TEX11: variants seen among roughly 807,000 people sequenced by gnomAD.
TEX11 encodes testis expressed 11.
In TEX11, 7 loss-of-function variants were observed where a neutral mutation model predicts 84.4. That is an observed-to-expected ratio of 0.08 (90% CI 0.05 to 0.16). TEX11 has a LOEUF of 0.16. Ranked by LOEUF, TEX11 falls within the 10% of genes least tolerant of loss-of-function variation. The pLI is 1.00. For missense variants in TEX11, 551 were observed against 660.5 expected (o/e 0.83, Z 1.82); for synonymous variants, 264 against 222.8 (o/e 1.18, Z -1.64).
intron 2 of TEX11, among the ~76,000 whole-genome samples, chrX:70,902,712 G>A (rs151194156): frequency 0.17 from 18,363 of 109,840 alleles, 1,623 homozygotes; most frequent in Non-Finnish European, 0.26. Flanking sequence ...ATAATTTTTT[G>A]TATTTTTGGT....
chrX:70,547,733 C>T lies in TEX11; in HGVS notation c.2520+4393G>A, dbSNP rs1456700175. ...ACCACAATAAGATACCATCTCACAC[C>T]AGTTAGAATGGCGATCATTAAAAAG... On this transcript the variant is annotated intron_variant, in intron 28 of 29. Coordinates refer to ENST00000374333, the MANE Select transcript of TEX11 (RefSeq NM_031276.3). Among the ~76,000 whole-genome samples, 3 of 111,906 alleles carry T rather than the reference C, an allele frequency of 2.7e-5. No homozygotes were observed. In the Admixed American group the frequency reaches 2.8e-4, roughly 11 times the overall value.
intron 9 of TEX11, among the ~76,000 whole-genome samples, chrX:70,770,686 G>A (rs1156945795): frequency 9.0e-6 from 1 of 111,189 alleles, no homozygotes; most frequent in Non-Finnish European, 1.9e-5. Flanking sequence ...CATGTTCCCT[G>A]AAAAGATGTA....
At chrX:70,520,421 C>T in the TEX11 span, among the ~76,000 whole-genome samples, 1 of 112,425 alleles carries the variant, frequency 8.9e-6, no homozygotes, top group Non-Finnish European at 1.9e-5. Flanking sequence ...CCACTCCAGA[C>T]CCTGTTTGCC....
chrX:70,539,038 A>ATATATATATATATATTTTT lies in TEX11; in HGVS notation c.2521-9040_2521-9039insAAAAATATATATATATATA. Among the ~76,000 whole-genome samples, 83 of 41,245 alleles carry ATATATATATATATATTTTT rather than the reference A, an allele frequency of 2.0e-3. 4 individuals are homozygous for ATATATATATATATATTTTT. The highest frequency in any genetic ancestry group is 0.026 in the Middle Eastern group (1 of 39). The allele number at this position is 41,245 out of a possible 115,157, so 35.8% of individuals were successfully genotyped here. A position where few individuals can be genotyped will look rare whatever the true frequency, so the allele number is the denominator to read the frequency against. The stretch of plus-strand genomic sequence containing the variant: ...CTTGGAAATATATATATATATATAT[A>ATATATATATATATATTTTT]TTTTTTTTTTTTTTAAGATGGAGTC... On this transcript the variant is annotated intron_variant, in intron 28 of 29. Coordinates refer to ENST00000374333, the MANE Select transcript of TEX11 (RefSeq NM_031276.3).
intron 4 of TEX11, among the ~76,000 whole-genome samples, chrX:70,871,983 G>C (rs776173742): frequency 1.0e-5 from 1 of 95,716 alleles, no homozygotes; most frequent in Non-Finnish European, 2.0e-5. Context: ...ACCCCTTGCC[G>C]TCCCTTAAAA....
Position 70,624,012 on chromosome X carries a change from T to C in TEX11, c.1695-6A>G, listed in dbSNP as rs768980389. On this transcript the variant is annotated splice_polypyrimidine_tract_variant and splice_region_variant and intron_variant, in intron 19 of 29. Coordinates refer to ENST00000374333, the MANE Select transcript of TEX11 (RefSeq NM_031276.3). ...GAAGAAAACGAAGCAAACACCTGTA[T>C]GACAAAGTAATATGGAAAGTGATTC... 5.9e-6 allele frequency: 7 copies of C among 1,196,328 alleles called. 1 individual carries two copies. In the Admixed American group the frequency reaches 1.6e-4, roughly 27 times the overall value.
At chrX:70,766,947 T>C (rs185517784) in intron 9 of TEX11, among the ~76,000 whole-genome samples, 1,592 of 111,789 alleles carry the variant, frequency 0.014, 26 homozygotes, top group Admixed American at 0.067. Flanking sequence ...CTATCTCTCA[T>C]CATATACAAA....
In TEX11 at chrX:70,695,378, A is replaced by G. The variant is rs752413045; in HGVS notation, c.1005-12553T>C. Among the ~76,000 whole-genome samples, 39 of 112,241 alleles carry G rather than the reference A, an allele frequency of 3.5e-4. No homozygotes were observed. The Admixed American group carries it at 3.6e-3, about 10-fold the overall frequency. On this transcript the variant is annotated intron_variant, in intron 13 of 29. Transcript: ENST00000374333. ...ACTGAGTTAAAGAAGCCAGACTAAA[A>G]AGTATACTCAATTTCATTTATATAA...
intron 17 of TEX11, among the ~76,000 whole-genome samples, chrX:70,636,461 C>A (rs73220873): frequency 0.11 from 12,183 of 110,575 alleles, 586 homozygotes; most frequent in Middle Eastern, 0.19. Flanking sequence ...ACCACCCCTA[C>A]AAACCAAGGT....
chrX:70,869,867 G>A (rs375794593), intron 4 of TEX11, among the ~76,000 whole-genome samples: 1 of 111,766 alleles, frequency 8.9e-6, no homozygotes, highest in East Asian at 2.8e-4. Context: ...CTCCAATCCT[G>A]ACATTCATAA....
chrX:70,511,685 A>G, the TEX11 span, among the ~76,000 whole-genome samples: 1,118 of 95,072 alleles, frequency 0.012, 59 homozygotes, highest in African/African-American at 0.042. Context: ...CCTGGGAGGC[A>G]GAGGTTGCAG....
intron 24 of TEX11, among the ~76,000 whole-genome samples, chrX:70,601,934 T>C (rs1487364268): frequency 3.6e-5 from 4 of 111,131 alleles, no homozygotes; most frequent in Non-Finnish European, 5.7e-5. Flanking sequence ...CCATGTCCAC[T>C]TCTATCCACA....
At chrX:70,679,676 C>A (rs938205176) in intron 14 of TEX11, among the ~76,000 whole-genome samples, 4 of 107,906 alleles carry the variant, frequency 3.7e-5, no homozygotes, top group Non-Finnish European at 7.7e-5. Context: ...GCAGCCACCC[C>A]GTCTGGGAAG....
chrX:70,907,713 A>C (rs2091841600), intron 2 of TEX11, 40 bp downstream of exon 2: 1 of 1,029,647 alleles, frequency 9.7e-7, no homozygotes, highest in Non-Finnish European at 1.4e-6. Flanking sequence ...TTAAAGCAGC[A>C]GTTTGACACT....
intron 4 of TEX11, among the ~76,000 whole-genome samples, chrX:70,865,021 G>T (rs943570012): frequency 4.5e-5 from 5 of 111,185 alleles, no homozygotes; most frequent in Non-Finnish European, 9.4e-5. Flanking sequence ...GCATCATGAT[G>T]ACAGGATGAA....
intron 17 of TEX11, among the ~76,000 whole-genome samples, chrX:70,639,246 C>A (rs1311009003): frequency 8.9e-6 from 1 of 112,032 alleles, no homozygotes; most frequent in Non-Finnish European, 1.9e-5. Context: ...AGATTATATC[C>A]CGCACCTGGC....
chrX:70,511,895 C>T, the TEX11 span, among the ~76,000 whole-genome samples: 2 of 106,640 alleles, frequency 1.9e-5, no homozygotes, highest in African/African-American at 7.0e-5. Context: ...CCGATTTACC[C>T]AGTGTTGCCC....
chrX:70,797,444 T>C (rs1173519743), intron 9 of TEX11, among the ~76,000 whole-genome samples: 1 of 110,956 alleles, frequency 9.0e-6, no homozygotes, highest in Non-Finnish European at 1.9e-5. Context: ...CACTGGTGAA[T>C]TCTACTAAAT....
At chrX:70,602,002 T>TCCACAAAA in intron 24 of TEX11, among the ~76,000 whole-genome samples, 1 of 111,188 alleles carries the variant, frequency 9.0e-6, no homozygotes, top group Admixed American at 9.5e-5. Flanking sequence ...GCCTTTCTAT[T>TCCACAAAA]CCACAAAACC....
Sources: gnomAD v4.1 joint callset for allele counts (sites outside exome capture counted in the v4.1 genomes callset) on GRCh38, gnomAD v4.1.1 for gene constraint, MANE v1.5 for transcripts, NCBI Gene and HGNC (gene_info 2026-07-23, HGNC 2026-07-21) for gene names.